ST3GAL2: variants seen among roughly 807,000 people sequenced by gnomAD.
The protein encoded by ST3GAL2 is ST3 beta-galactoside alpha-2,3-sialyltransferase 2.
ST3GAL2 carries 16 observed loss-of-function variants against 37.5 expected under a neutral mutation model. The observed-to-expected ratio is 0.43, with a 90% CI of 0.29 to 0.65. The LOEUF (loss-of-function observed/expected upper bound fraction) is 0.65, where lower values mean the gene tolerates loss of function less well. Ranked by LOEUF, ST3GAL2 falls within the 30% of genes least tolerant of loss-of-function variation. ST3GAL2 has a pLI of 0.17. For missense variants in ST3GAL2, 383 were observed against 487.8 expected (o/e 0.79, Z 2.02); for synonymous variants, 238 against 202.9 (o/e 1.17, Z -1.47).
intron 1 of ST3GAL2, among the ~76,000 whole-genome samples, chr16:70,434,059 T>C (rs2047808368): frequency 1.3e-5 from 2 of 152,150 alleles, no homozygotes; most frequent in South Asian, 2.1e-4. Flanking sequence ...GATCTATTGG[T>C]GGACTCGTCT....
At chr16:70,400,542 C>A (rs747629757) in intron 1 of ST3GAL2, 1 of 152,342 alleles carries the variant, frequency 6.6e-6, no homozygotes, top group Non-Finnish European at 1.5e-5. Context: ...CTGCTTCCAG[C>A]AGCTGCATAC....
intron 1 of ST3GAL2, among the ~76,000 whole-genome samples, chr16:70,424,285 G>T (rs979677512): frequency 6.8e-6 from 1 of 146,698 alleles, no homozygotes; most frequent in Non-Finnish European, 1.5e-5. Flanking sequence ...GTGAGCCACT[G>T]CGCCCTGCCA....
At position 70,376,160 on chromosome 16, in the gene ST3GAL2, C is replaced by T. The variant is rs970645825; in HGVS notation, c.*5529G>A. On this transcript the variant is annotated 3_prime_UTR_variant, in exon 7 of 7. Transcript: ENST00000342907. ...CAGCGTCTCTTCCCTCTGTGGTCCC[C>T]TTTACCCATTCCATGACAAATGGTA... 2.6e-5 allele frequency: 4 copies of T among 152,252 alleles called. No individual in the cohort carries two copies. Among genetic ancestry groups the T allele is most frequent in the African/African-American group, 9.6e-5 (4 of 41,460 alleles). 9.4% of individuals were successfully genotyped at this position (152,252 alleles called of 1,614,324 possible). A position where few individuals can be genotyped will look rare whatever the true frequency, so the allele number is the denominator to read the frequency against.
intron 1 of ST3GAL2, among the ~76,000 whole-genome samples, chr16:70,429,908 T>C (rs2047777751): frequency 6.6e-6 from 1 of 151,960 alleles, no homozygotes; most frequent in South Asian, 2.1e-4. Context: ...CTCCCAGGCT[T>C]AGAGAGGGGT....
At chr16:70,400,822 C>T (rs1253809623) in intron 1 of ST3GAL2, 1 of 152,262 alleles carries the variant, frequency 6.6e-6, no homozygotes, top group East Asian at 1.9e-4. Context: ...GTTGGCTTCT[C>T]AGGGTCGAAA....
In ST3GAL2 at chr16:70,381,621, G is replaced by A. The variant is rs2047405637; in HGVS notation, c.*68C>T. The A allele has an allele frequency of 6.4e-7, 1 of 1,562,992 alleles. No individual in the cohort carries two copies. The highest frequency in any genetic ancestry group is 1.2e-5 in the South Asian group (1 of 85,462). Reference sequence around the variant, plus strand: ...CAGCATGATTGGTCGCGGGTTGCTGGTCCTGGGTCCCGGGCCGGAGCCCCG... The same window carrying A: ...CAGCATGATTGGTCGCGGGTTGCTGATCCTGGGTCCCGGGCCGGAGCCCCG... On this transcript the variant is annotated 3_prime_UTR_variant, in exon 7 of 7. Transcript: ENST00000342907.
At chr16:70,431,986 T>TATATATA (rs5817697) in intron 1 of ST3GAL2, among the ~76,000 whole-genome samples, 4 of 133,684 alleles carry the variant, frequency 3.0e-5, no homozygotes, top group African/African-American at 1.5e-4. Context: ...TATATATATA[T>TATATATA]TTTTTTTTAA....
chr16:70,387,304 C>G (rs1222102726), intron 4 of ST3GAL2, among the ~76,000 whole-genome samples: 1 of 151,848 alleles, frequency 6.6e-6, no homozygotes, highest in Non-Finnish European at 1.5e-5. Context: ...CCTGTAATCT[C>G]AACACGATGG....
intron 3 of ST3GAL2, among the ~76,000 whole-genome samples, chr16:70,394,706 G>T (rs368939083): frequency 6.6e-5 from 10 of 152,306 alleles, no homozygotes; most frequent in Middle Eastern, 3.4e-3. Context: ...CAAACAATCA[G>T]CCAGGAATCT....
chr16:70,385,077 G>A (rs1476013304), intron 4 of ST3GAL2, among the ~76,000 whole-genome samples: 6 of 152,036 alleles, frequency 3.9e-5, no homozygotes, highest in South Asian at 2.1e-4. Context: ...AGGCTGAGGC[G>A]GGCAGATCAC....
chr16:70,393,306 G>A (rs937566157), intron 3 of ST3GAL2, among the ~76,000 whole-genome samples: 6 of 152,154 alleles, frequency 3.9e-5, no homozygotes, highest in East Asian at 1.9e-4. Context: ...TCGAACTCCC[G>A]ACCTCAGGTA....
intron 4 of ST3GAL2, among the ~76,000 whole-genome samples, chr16:70,387,219 G>A (rs761321286): frequency 6.6e-6 from 1 of 151,840 alleles, no homozygotes; most frequent in Non-Finnish European, 1.5e-5. Flanking sequence ...TTCTGCCACT[G>A]CACTCCAGTC....
At position 70,414,834 on chromosome 16, in the gene ST3GAL2, A is replaced by G. The variant is rs1205140248; in HGVS notation, c.-1003-15301T>C. Among the ~76,000 whole-genome samples, 5 of 151,498 alleles carry G rather than the reference A, an allele frequency of 3.3e-5. No homozygotes were observed. The East Asian group carries it at 9.7e-4, about 29-fold the overall frequency. On this transcript the variant is annotated intron_variant, in intron 1 of 6. Transcript: ENST00000342907. Reference sequence around the variant, plus strand: ...ACTACAGGCGCCTGCCACCACGCCCAGATAATTTTTCTATTATTATTTATT... The same window carrying G: ...ACTACAGGCGCCTGCCACCACGCCCGGATAATTTTTCTATTATTATTTATT...
chr16:70,383,712 G>GC (rs1474047291), intron 4 of ST3GAL2, among the ~76,000 whole-genome samples: 5 of 151,836 alleles, frequency 3.3e-5, no homozygotes, highest in African/African-American at 9.7e-5. Context: ...ACCTAGGGAT[G>GC]CCCCCCACGC....
intron 2 of ST3GAL2, among the ~76,000 whole-genome samples, chr16:70,396,197 C>T (rs1289005410): frequency 1.3e-5 from 2 of 150,802 alleles, no homozygotes; most frequent in Non-Finnish European, 3.0e-5. Flanking sequence ...TCTCGAACTC[C>T]CAACCTCAGG....
chr16:70,435,523 G>C (rs933604152), intron 1 of ST3GAL2, among the ~76,000 whole-genome samples: 1 of 152,128 alleles, frequency 6.6e-6, no homozygotes, highest in Non-Finnish European at 1.5e-5. Flanking sequence ...ACTTGAACCC[G>C]GGAGGTGGAG....
chr16:70,398,136 T>A, intron 2 of ST3GAL2, 56 bp downstream of exon 2: 1 of 1,565,786 alleles, frequency 6.4e-7, no homozygotes, highest in South Asian at 1.2e-5. Context: ...AAGAGGGGGC[T>A]CTGAGTGGCT....
At chr16:70,430,980 G>C (rs1421088683) in intron 1 of ST3GAL2, among the ~76,000 whole-genome samples, 3 of 152,066 alleles carry the variant, frequency 2.0e-5, no homozygotes, top group Non-Finnish European at 4.4e-5. Flanking sequence ...AACTGAACTT[G>C]GGTAGGAACA....
At chr16:70,406,367 G>T (rs1443604651) in intron 1 of ST3GAL2, among the ~76,000 whole-genome samples, 2 of 151,942 alleles carry the variant, frequency 1.3e-5, no homozygotes, top group Non-Finnish European at 1.5e-5. Context: ...AATTAGCCGG[G>T]GGGTGGTGGC....
Sources: gnomAD v4.1 joint callset for allele counts (sites outside exome capture counted in the v4.1 genomes callset) on GRCh38, gnomAD v4.1.1 for gene constraint, MANE v1.5 for transcripts, NCBI Gene and HGNC (gene_info 2026-07-23, HGNC 2026-07-21) for gene names.